SPRED1: variants seen among roughly 807,000 people sequenced by gnomAD.
SPRED1 encodes the protein sprouty-related, EVH1 domain-containing protein 1.
In SPRED1, 18 loss-of-function variants were observed where a neutral mutation model predicts 52.3. The observed-to-expected ratio is 0.34, with a 90% CI of 0.24 to 0.51. The LOEUF is 0.51. Ranked by LOEUF, SPRED1 falls within the 20% of genes least tolerant of loss-of-function variation. The probability of loss-of-function intolerance (pLI) is 0.97; values close to 1 mark genes in which losing one functional copy is unlikely to be tolerated. For missense variants in SPRED1, 485 were observed against 551.0 expected (o/e 0.88, Z 1.20); for synonymous variants, 155 against 179.7 (o/e 0.86, Z 1.10).
chr15:38,295,427 A>T (rs1895015291), intron 1 of SPRED1, among the ~76,000 whole-genome samples: 1 of 152,206 alleles, frequency 6.6e-6, no homozygotes, highest in African/African-American at 2.4e-5. Flanking sequence ...GCACAATGGT[A>T]AGTATTTGTG....
chr15:38,286,096 T>C (rs1167521694), intron 1 of SPRED1, among the ~76,000 whole-genome samples: 2 of 151,808 alleles, frequency 1.3e-5, no homozygotes, highest in Non-Finnish European at 2.9e-5. Context: ...GTGAAAAAAT[T>C]TAGCCAGGTA....
In SPRED1 at chr15:38,351,127, G is replaced by C; in HGVS notation, c.798G>C (p.Met266Ile). The change falls in exon 7 of 7, where the codon ATG becomes ATC. Residue 266 changes from methionine to isoleucine, a missense_variant. Around this residue, in one of 5 missense-constraint regions of SPRED1, gnomAD observed 205 missense variants for 245.2 expected, o/e 0.84. Coordinates refer to ENST00000299084, the MANE Select transcript of SPRED1 (RefSeq NM_152594.3). ...RRYADYRHPD[M>I]WKNDLERDDA... ...ATGCAGACTACAGACATCCTGACAT[G>C]TGGAAAAATGACTTGGAAAGAGATG... 1 of 1,614,026 alleles carries C rather than the reference G, an allele frequency of 6.2e-7. No individual in the cohort carries two copies. Among genetic ancestry groups the C allele is most frequent in the Non-Finnish European group, 8.5e-7 (1 of 1,179,990 alleles).
rs1393899306 is a variant in SPRED1, at chr15:38,354,275, CGGCACTGCCAATT to C, written c.*2615_*2627del. On this transcript the variant is annotated 3_prime_UTR_variant, in exon 7 of 7. Transcript: ENST00000299084. The stretch of plus-strand genomic sequence containing the variant: ...CATTTTCTCATTCTCTGTACAGATT[CGGCACTGCCAATT>C]GGCTTTTCCTCTAAAACTTTTCTTT... 6.6e-6 allele frequency: 1 copy of C among 152,134 alleles called. No individual in the cohort carries two copies. Among genetic ancestry groups the C allele is most frequent in the Non-Finnish European group, 1.5e-5 (1 of 68,028 alleles). The allele number at this position is 152,134 out of a possible 1,614,324, so 9.4% of individuals were successfully genotyped here.
intron 6 of SPRED1, among the ~76,000 whole-genome samples, chr15:38,350,684 A>T (rs1888463515): frequency 6.6e-6 from 1 of 152,186 alleles, no homozygotes; most frequent in Admixed American, 6.5e-5. Context: ...GTACAGATCC[A>T]AAACAGGGTA....
chr15:38,275,185 CATTT>C (rs1472114006), intron 1 of SPRED1, among the ~76,000 whole-genome samples: 10 of 152,132 alleles, frequency 6.6e-5, no homozygotes, highest in East Asian at 1.9e-4. Flanking sequence ...TATTTTCTCA[CATTT>C]ATTTAAGTAT....
chr15:38,269,128 G>A (rs1894374861), intron 1 of SPRED1, among the ~76,000 whole-genome samples: 1 of 152,024 alleles, frequency 6.6e-6, no homozygotes, highest in Non-Finnish European at 1.5e-5. Flanking sequence ...TTTTAGTAGA[G>A]ACGGGGTTTC....
chr15:38,342,170 C>G (rs919402431), intron 5 of SPRED1, among the ~76,000 whole-genome samples: 8 of 151,132 alleles, frequency 5.3e-5, no homozygotes, highest in Non-Finnish European at 1.0e-4. Context: ...TTTTCCTTCA[C>G]TTTGCTTATT....
chr15:38,270,258 A>G (rs1209214211), intron 1 of SPRED1, among the ~76,000 whole-genome samples: 3 of 152,174 alleles, frequency 2.0e-5, no homozygotes, highest in South Asian at 2.1e-4. Flanking sequence ...TTTGAAAACT[A>G]TGACATGTTC....
chr15:38,307,851 G>T (rs868386430), intron 2 of SPRED1, among the ~76,000 whole-genome samples: 14 of 151,900 alleles, frequency 9.2e-5, no homozygotes, highest in African/African-American at 2.9e-4. Context: ...ATGTTTTTTC[G>T]CATGTAGGTA....
rs749389617 is a variant in SPRED1 at position 38,351,618 on chromosome 15, G to C, written c.1289G>C (p.Gly430Ala). 9.3e-6 allele frequency: 15 copies of C among 1,613,912 alleles called. No homozygotes were observed. In the African/African-American group the frequency reaches 1.9e-4, roughly 20 times the overall value. Residue 430 changes from glycine to alanine, a missense_variant, in exon 7 of 7, where the codon GGT (glycine) becomes GCT (alanine). Gly to Ala is a moderately conservative substitution (Grantham distance 60). Transcript: ENST00000299084. ...YVPLRMCHRC[G>A]EACGCCGGKH... ...CCTTTGAGAATGTGCCATCGCTGTG[G>C]TGAGGCATGTGGTTGCTGTGGTGGG...
intron 4 of SPRED1, among the ~76,000 whole-genome samples, chr15:38,328,124 T>G (rs550216023): frequency 2.6e-5 from 4 of 152,350 alleles, no homozygotes; most frequent in African/African-American, 9.6e-5. Flanking sequence ...ATAAATGTTT[T>G]GAATACAGAT....
intron 1 of SPRED1, among the ~76,000 whole-genome samples, chr15:38,263,774 C>T (rs144610875): frequency 2.0e-5 from 3 of 152,040 alleles, no homozygotes; most frequent in Non-Finnish European, 2.9e-5. Context: ...CTTGGGCCAC[C>T]TATAAAATAC....
intron 4 of SPRED1, among the ~76,000 whole-genome samples, chr15:38,337,401 A>G (rs1277822704): frequency 6.6e-6 from 1 of 152,172 alleles, no homozygotes; most frequent in East Asian, 1.9e-4. Context: ...TGTTTGCCAT[A>G]TCAGACACTT....
At chr15:38,303,008 A>G (rs1038343465) in intron 2 of SPRED1, among the ~76,000 whole-genome samples, 1 of 152,024 alleles carries the variant, frequency 6.6e-6, no homozygotes, top group African/African-American at 2.4e-5. Context: ...CTAAAAATAC[A>G]AAACAAACAA....
intron 2 of SPRED1, among the ~76,000 whole-genome samples, chr15:38,316,240 A>G (rs989211879): frequency 1.3e-5 from 2 of 152,002 alleles, no homozygotes; most frequent in Admixed American, 6.6e-5. Context: ...TCAGATTTTA[A>G]TAAATTTATG....
chr15:38,274,824 A>AGGG (rs1210335968), intron 1 of SPRED1, among the ~76,000 whole-genome samples: 18 of 152,294 alleles, frequency 1.2e-4, no homozygotes, highest in Admixed American at 2.0e-4. Flanking sequence ...ATGTTCCTAA[A>AGGG]TTCAACTTAC....
At chr15:38,293,577 C>T (rs1458048548) in intron 1 of SPRED1, among the ~76,000 whole-genome samples, 1 of 152,124 alleles carries the variant, frequency 6.6e-6, no homozygotes, top group Non-Finnish European at 1.5e-5. Context: ...AGAAATATCT[C>T]CTTCATTAGG....
intron 5 of SPRED1, among the ~76,000 whole-genome samples, chr15:38,341,829 A>T (rs1896036329): frequency 1.3e-5 from 2 of 152,094 alleles, no homozygotes; most frequent in African/African-American, 4.8e-5. Context: ...TGGGTATAGC[A>T]GCCTTTTTTG....
intron 1 of SPRED1, among the ~76,000 whole-genome samples, chr15:38,278,350 G>T (rs1595721151): frequency 2.0e-5 from 3 of 152,108 alleles, no homozygotes; most frequent in Admixed American, 2.0e-4. Flanking sequence ...TGGTGTGGTG[G>T]TGCGAGCCTA....
Sources: allele counts gnomAD v4.1 joint callset (sites outside exome capture counted in the v4.1 genomes callset), GRCh38; gene constraint gnomAD v4.1.1; regional missense constraint gnomAD v4.1.1; transcripts MANE v1.5; gene names NCBI Gene and HGNC (gene_info 2026-07-23, HGNC 2026-07-21).